ANAPC10: variants seen among roughly 807,000 people sequenced by gnomAD.
ANAPC10 encodes anaphase-promoting complex subunit 10.
Under a neutral mutation model 22.0 loss-of-function variants are expected in ANAPC10, and 12 were observed. The observed-to-expected ratio is 0.55, with a 90% CI of 0.35 to 0.88. ANAPC10 has a LOEUF of 0.88. ANAPC10 is among the 40% of genes least tolerant of loss of function. The pLI is 0.01. For synonymous variants in ANAPC10, 65 were observed against 69.5 expected, an observed-to-expected ratio of 0.94 and a Z score of 0.32; for missense variants, 188 against 220.9, an observed-to-expected ratio of 0.85 and a Z score of 0.94.
At chr4:145,008,375 CACA>C (rs1733756670) in intron 4 of ANAPC10, among the ~76,000 whole-genome samples, 2 of 152,136 alleles carry the variant, frequency 1.3e-5, no homozygotes, top group Admixed American at 6.5e-5. Flanking sequence ...CTGGCACAGA[CACA>C]ACAAGAAAAG....
At chr4:145,019,601 C>A (rs939681821) in intron 4 of ANAPC10, among the ~76,000 whole-genome samples, 2 of 151,938 alleles carry the variant, frequency 1.3e-5, no homozygotes, top group East Asian at 1.9e-4. Flanking sequence ...AAGATCAGAG[C>A]ATAACTAAAT....
At chr4:145,006,321 ATTTG>A (rs1402949541) in intron 4 of ANAPC10, among the ~76,000 whole-genome samples, 1 of 152,136 alleles carries the variant, frequency 6.6e-6, no homozygotes, top group East Asian at 1.9e-4. Flanking sequence ...GATAAAGGGA[ATTTG>A]TTTGGCAAAC....
At chr4:144,996,022 A>C (rs1034873384) in intron 4 of ANAPC10, among the ~76,000 whole-genome samples, 1 of 152,252 alleles carries the variant, frequency 6.6e-6, no homozygotes, top group Admixed American at 6.5e-5. Flanking sequence ...TATTTTGAAC[A>C]GATAATCTAG....
chr4:145,050,204 C>T (rs914579692), intron 4 of ANAPC10, among the ~76,000 whole-genome samples: 17 of 152,160 alleles, frequency 1.1e-4, no homozygotes, highest in Admixed American at 6.5e-4. Context: ...GTTGTGTTAC[C>T]TCCTTGTACA....
intron 4 of ANAPC10, among the ~76,000 whole-genome samples, chr4:145,004,231 G>C (rs747317084): frequency 8.5e-5 from 13 of 152,112 alleles, no homozygotes; most frequent in Non-Finnish European, 1.6e-4. Flanking sequence ...AGATCAAGGA[G>C]CTTTGGGGCA....
At position 145,015,741 on chromosome 4, in the gene ANAPC10, TCAG is replaced by T. The variant is rs1354451941; in HGVS notation, c.328-20141_328-20139del. On this transcript the variant is annotated intron_variant, in intron 4 of 4. Coordinates refer to ENST00000507656, the MANE Select transcript of ANAPC10 (RefSeq NM_001256706.2). ...ACCTATTAGATTAACAGCAGATTTC[TCAG>T]CAGAAACTCTACAAGCTAGAAGAGA... 2.0e-5 allele frequency among the ~76,000 whole-genome samples: 3 copies of T among 152,254 alleles called. No homozygotes were observed. In the East Asian group the frequency reaches 5.8e-4, roughly 29 times the overall value.
At chr4:145,068,298 G>A (rs990734109) in intron 3 of ANAPC10, among the ~76,000 whole-genome samples, 10 of 152,122 alleles carry the variant, frequency 6.6e-5, no homozygotes, top group South Asian at 2.1e-4. Flanking sequence ...TAAGCAAGTG[G>A]TCCTTGTTTA....
chr4:145,062,867 C>T (rs990442202), intron 4 of ANAPC10, among the ~76,000 whole-genome samples: 2 of 152,072 alleles, frequency 1.3e-5, no homozygotes, highest in Non-Finnish European at 2.9e-5. Context: ...TTTGCAGCAG[C>T]GTGGATGGAA....
chr4:145,097,768 A>T (rs1336780344), intron 1 of ANAPC10: 2 of 347,582 alleles, frequency 5.8e-6, no homozygotes, highest in Non-Finnish European at 1.1e-5. Flanking sequence ...TACCTAAAAA[A>T]AGATAGAAAT....
chr4:145,017,350 T>C (rs891172715), intron 4 of ANAPC10, among the ~76,000 whole-genome samples: 2 of 152,026 alleles, frequency 1.3e-5, no homozygotes, highest in African/African-American at 4.8e-5. Flanking sequence ...ATTTATGCAG[T>C]CAACAGACAC....
chr4:145,023,342 A>G (rs1346039931), intron 4 of ANAPC10, among the ~76,000 whole-genome samples: 1 of 152,186 alleles, frequency 6.6e-6, no homozygotes, highest in Non-Finnish European at 1.5e-5. Flanking sequence ...ACACATCCTT[A>G]AAATGGTTGA....
At chr4:145,066,261 G>A (rs1235645694) in intron 3 of ANAPC10, among the ~76,000 whole-genome samples, 1 of 152,052 alleles carries the variant, frequency 6.6e-6, no homozygotes, top group Non-Finnish European at 1.5e-5. Context: ...TAAATACCCA[G>A]GAACTGCTGA....
At chr4:145,002,605 C>T (rs778246783) in intron 4 of ANAPC10, among the ~76,000 whole-genome samples, 1 of 152,128 alleles carries the variant, frequency 6.6e-6, no homozygotes, top group Non-Finnish European at 1.5e-5. Context: ...GAGTGTTCTA[C>T]TCATCTGCAT....
chr4:144,996,173 T>G (rs898806170), intron 4 of ANAPC10, among the ~76,000 whole-genome samples: 2 of 152,182 alleles, frequency 1.3e-5, no homozygotes, highest in Middle Eastern at 3.4e-3. Flanking sequence ...ATATGAGAGA[T>G]ATGGAGATAT....
At chr4:145,050,423 G>C (rs931649573) in intron 4 of ANAPC10, among the ~76,000 whole-genome samples, 1 of 152,172 alleles carries the variant, frequency 6.6e-6, no homozygotes, top group Non-Finnish European at 1.5e-5. Flanking sequence ...AAGGACCCTA[G>C]GATTATTAGA....
intron 4 of ANAPC10, among the ~76,000 whole-genome samples, chr4:145,056,714 G>C (rs141645114): frequency 1.2e-3 from 183 of 152,260 alleles, no homozygotes; most frequent in African/African-American, 4.2e-3. Flanking sequence ...AATGCCTACT[G>C]TTTCAGACAC....
At chr4:145,081,466 T>A in intron 3 of ANAPC10, 194 bp downstream of exon 3, 1 of 432,184 alleles carries the variant, frequency 2.3e-6, no homozygotes, top group Non-Finnish European at 4.1e-6. Flanking sequence ...ATAAGAAAAT[T>A]CATAAAAAAT....
rs138042235 is a variant in ANAPC10, at chr4:145,053,635, A to T, written c.327+10937T>A. Reference sequence around the variant, plus strand: ...AATATCTACAAATCCTTGTAGGAAGAATTCTCTTAATTCCTTTATGAAGGA... The same window carrying T: ...AATATCTACAAATCCTTGTAGGAAGTATTCTCTTAATTCCTTTATGAAGGA... On this transcript the variant is annotated intron_variant, in intron 4 of 4. Coordinates refer to ENST00000507656, the MANE Select transcript of ANAPC10 (RefSeq NM_001256706.2). 5.1e-3 allele frequency: 2,290 copies of T among 447,786 alleles called. 11 individuals carry two copies. Among genetic ancestry groups the T allele is most frequent in the Non-Finnish European group, 6.5e-3 (1,647 of 252,690 alleles). The allele number at this position is 447,786 out of a possible 1,614,324, so 27.7% of individuals were successfully genotyped here.
intron 4 of ANAPC10, among the ~76,000 whole-genome samples, chr4:145,008,489 C>A (rs969536723): frequency 6.6e-6 from 1 of 152,136 alleles, no homozygotes; most frequent in African/African-American, 2.4e-5. Flanking sequence ...TTACCCACCA[C>A]GATCAAGTCA....
Sources: allele counts gnomAD v4.1 joint callset (sites outside exome capture counted in the v4.1 genomes callset), GRCh38; gene constraint gnomAD v4.1.1; transcripts MANE v1.5; gene names NCBI Gene and HGNC (gene_info 2026-07-23, HGNC 2026-07-21).